Variants in COG4 observed in about 807,000 individuals in gnomAD.
COG4 encodes the protein component of oligomeric golgi complex 4.
COG4 carries 65 observed loss-of-function variants against 95.1 expected under a neutral mutation model. The observed-to-expected ratio is 0.68, with a 90% CI of 0.56 to 0.84. COG4 has a LOEUF of 0.84. COG4 is among the 40% of genes least tolerant of loss of function. The pLI is 0.00. For missense variants in COG4, 1,045 were observed against 989.1 expected (o/e 1.06, Z -0.76); for synonymous variants, 421 against 374.8 (o/e 1.12, Z -1.42).
chr16:70,488,125 A>G (rs1340428156), intron 13 of COG4, among the ~76,000 whole-genome samples: 2 of 145,970 alleles, frequency 1.4e-5, no homozygotes, highest in African/African-American at 2.5e-5. Context: ...ACACCTGGCT[A>G]TTATTTTTAC....
At chr16:70,502,511 G>A (rs1198363038) in intron 8 of COG4, among the ~76,000 whole-genome samples, 1 of 133,364 alleles carries the variant, frequency 7.5e-6, no homozygotes, top group African/African-American at 2.7e-5. Context: ...TGAGGCGGGA[G>A]AGTCGCTTGA....
intron 4 of COG4, among the ~76,000 whole-genome samples, chr16:70,513,711 C>T (rs1473491373): frequency 6.6e-6 from 1 of 152,168 alleles, no homozygotes; most frequent in Non-Finnish European, 1.5e-5. Flanking sequence ...TATCACACTA[C>T]TTAGAACAGC....
intron 13 of COG4, among the ~76,000 whole-genome samples, chr16:70,489,129 T>C (rs926073863): frequency 5.3e-5 from 8 of 152,208 alleles, no homozygotes; most frequent in African/African-American, 1.4e-4. Context: ...AAATAACAGC[T>C]ACTAGCTTTG....
At chr16:70,512,476 C>A in intron 4 of COG4, 44 bp from the exon 5 acceptor site, 1 of 1,534,008 alleles carries the variant, frequency 6.5e-7, no homozygotes. Flanking sequence ...AAGAATAGTA[C>A]TGTGGCAGGT....
intron 9 of COG4, among the ~76,000 whole-genome samples, chr16:70,498,957 G>A (rs530393969): frequency 1.4e-4 from 21 of 152,292 alleles, no homozygotes; most frequent in Admixed American, 9.2e-4. Flanking sequence ...GCTCACACCT[G>A]TAATCCCAGC....
At position 70,482,144 on chromosome 16, in the gene COG4, G is replaced by A. The variant is rs1195021661; in HGVS notation, c.1952C>T (p.Pro651Leu). 6.2e-7 allele frequency: 1 copy of A among 1,614,024 alleles called. No homozygotes were observed. Among genetic ancestry groups the A allele is most frequent in the Admixed American group, 1.7e-5 (1 of 60,014 alleles). Residue 651 changes from proline to leucine, a missense_variant, in exon 16 of 19, where the codon CCT becomes CTT. Physicochemically the swap from Pro to Leu is moderately conservative, Grantham distance 98. Transcript: ENST00000323786. Reference sequence around the variant, plus strand: ...GTTAAGGATGAACTGTTGTACCCAAGGGTCGTTGGCCTCATAGTCATTGAA... The same window carrying A: ...GTTAAGGATGAACTGTTGTACCCAAAGGTCGTTGGCCTCATAGTCATTGAA... The part of the protein sequence containing the change: ...EEFNDYEAND[P>L]WVQQFILNLE...
Position 70,519,658 on chromosome 16 carries a change from T to C in COG4, c.245A>G (p.His82Arg). 1 of 1,610,800 alleles carries C rather than the reference T, an allele frequency of 6.2e-7. No homozygotes were observed. The highest frequency in any genetic ancestry group is 8.5e-7 in the Non-Finnish European group (1 of 1,177,072). Residue 82 changes from histidine to arginine, a missense_variant, in exon 2 of 19, where the codon CAC (histidine) becomes CGC (arginine). Transcript: ENST00000323786. The stretch of plus-strand genomic sequence containing the variant: ...AGATGCACAGACTCACCCCATTCGG[T>C]GGAGAGTGACCATCTTACTTTCAAT... Reference protein sequence around the residue: ...NTIESKMVTLHRMGPNLQLIE... With the variant: ...NTIESKMVTLRRMGPNLQLIE...
intron 18 of COG4, 89 bp downstream of exon 18, chr16:70,481,270 G>A (rs2048985495): frequency 6.2e-7 from 1 of 1,607,534 alleles, no homozygotes; most frequent in South Asian, 1.1e-5. Flanking sequence ...CTGGCTGCTG[G>A]CAGACATGGT....
In COG4 at chr16:70,481,392, G is replaced by A. The variant is rs1333997195; in HGVS notation, c.2202C>T (p.Leu734=). ...GATTGAGGATGGTGGCCATCTGGGA[G>A]AGCCGGGCAAACTTGTCTCGGATGG... ...TWTIRDKFAR[L]SQMATILNLE... The change falls in exon 18 of 19, where the codon CTC becomes CTT. Residue 734 remains leucine, a synonymous_variant. Transcript: ENST00000323786. 12 of 1,613,352 alleles carry A rather than the reference G, an allele frequency of 7.4e-6. No individual in the cohort carries two copies. The highest frequency in any genetic ancestry group is 1.0e-5 in the Non-Finnish European group (12 of 1,179,994).
At chr16:70,492,571 G>C (rs781726118) in intron 12 of COG4, among the ~76,000 whole-genome samples, 15 of 151,438 alleles carry the variant, frequency 9.9e-5, no homozygotes, top group South Asian at 8.3e-4. Flanking sequence ...TGAGACAGAA[G>C]AATCACTTGA....
chr16:70,509,074 G>T, intron 7 of COG4, 157 bp downstream of exon 7: 2 of 884,114 alleles, frequency 2.3e-6, no homozygotes, highest in South Asian at 1.4e-5. Context: ...TCCAAAGTAA[G>T]CTGTCAATGG....
In COG4 at chr16:70,506,262, G is replaced by C. The variant is rs186948950; in HGVS notation, c.1061+2144C>G. Among the ~76,000 whole-genome samples the C allele has an allele frequency of 5.1e-4, 77 of 151,960 alleles. 1 individual carries two copies. In the East Asian group the frequency reaches 0.015, roughly 29 times the overall value. On this transcript the variant is annotated intron_variant, in intron 8 of 18. Coordinates refer to ENST00000323786, the MANE Select transcript of COG4 (RefSeq NM_015386.3). ...AATACAAAAAAAAAAAATTAGCTGGGCATGGTGGTGGGCGACTGTAGTCCC... is the reference window on the plus strand; with the variant it reads ...AATACAAAAAAAAAAAATTAGCTGGCCATGGTGGTGGGCGACTGTAGTCCC...
chr16:70,513,066 T>C (rs2049745459), intron 4 of COG4, among the ~76,000 whole-genome samples: 1 of 152,186 alleles, frequency 6.6e-6, no homozygotes. Context: ...CTCTCAAAGA[T>C]GGGCAGGATT....
intron 8 of COG4, among the ~76,000 whole-genome samples, chr16:70,505,337 A>G (rs1182032133): frequency 2.0e-5 from 3 of 150,334 alleles, no homozygotes; most frequent in Non-Finnish European, 4.4e-5. Flanking sequence ...AGCTGGGACT[A>G]CAGGCACCCG....
At chr16:70,503,793 A>G (rs1440550801) in intron 8 of COG4, among the ~76,000 whole-genome samples, 2 of 127,102 alleles carry the variant, frequency 1.6e-5, no homozygotes, top group Non-Finnish European at 3.0e-5. Flanking sequence ...ACGGGGTTTC[A>G]CCGTGTTAGC....
chr16:70,507,905 GTACTGAT>G, intron 8 of COG4, among the ~76,000 whole-genome samples: 1 of 151,310 alleles, frequency 6.6e-6, no homozygotes, highest in Middle Eastern at 3.5e-3. Flanking sequence ...ACACGTGATT[GTACTGAT>G]TATAATTTAT....
chr16:70,521,776 A>G (rs2049948440), intron 1 of COG4, among the ~76,000 whole-genome samples: 1 of 145,548 alleles, frequency 6.9e-6, no homozygotes, highest in Non-Finnish European at 1.5e-5. Context: ...ATCTCGGCTC[A>G]CTGCAAGCTC....
intron 12 of COG4, among the ~76,000 whole-genome samples, chr16:70,490,738 C>G (rs2049227274): frequency 1.3e-5 from 2 of 152,032 alleles, no homozygotes; most frequent in Non-Finnish European, 1.5e-5. Flanking sequence ...GGCTGGACTG[C>G]AAGCTCTGCC....
At chr16:70,497,621 A>G (rs1468266313) in intron 10 of COG4, among the ~76,000 whole-genome samples, 1 of 152,168 alleles carries the variant, frequency 6.6e-6, no homozygotes, top group African/African-American at 2.4e-5. Context: ...GGGGAGTGTA[A>G]GATATCTGCA....
Sources: allele counts gnomAD v4.1 joint callset (sites outside exome capture counted in the v4.1 genomes callset), GRCh38; gene constraint gnomAD v4.1.1; transcripts MANE v1.5; gene names NCBI Gene and HGNC (gene_info 2026-07-23, HGNC 2026-07-21).